PDE12: variants seen among roughly 807,000 people sequenced by gnomAD.
PDE12 encodes the protein 2',5'-phosphodiesterase 12.
Under a neutral mutation model 45.4 loss-of-function variants are expected in PDE12, and 26 were observed. The observed-to-expected ratio is 0.57, with a 90% CI of 0.42 to 0.79. The LOEUF (loss-of-function observed/expected upper bound fraction) is 0.79. Among genes scored for constraint, PDE12 ranks in the 30% least tolerant of loss-of-function variants. The pLI is 0.00. For synonymous variants in PDE12, 283 were observed against 323.9 expected (o/e 0.87, Z 1.36); for missense variants, 668 against 790.0 (o/e 0.85, Z 1.85).
Position 57,556,333 on chromosome 3 carries a change from G to A in PDE12, c.-47G>A. 2 of 1,504,122 alleles carry A rather than the reference G, an allele frequency of 1.3e-6. No homozygotes were observed. The highest frequency in any genetic ancestry group is 1.8e-6 in the Non-Finnish European group (2 of 1,124,870). The allele number at this position is 1,504,122 out of a possible 1,614,324, so 93.2% of individuals were successfully genotyped here. On this transcript the variant is annotated 5_prime_UTR_variant, in exon 1 of 3. Coordinates refer to ENST00000311180, the MANE Select transcript of PDE12 (RefSeq NM_177966.7). The surrounding 1 kb of genome is among the most constrained non-coding windows in gnomAD (Gnocchi z 5.0). ...GCTCCTCAGCTCCACCTGACAGTAG[G>A]CCGCTGATCGGCCGCGGGTCTTGTC...
the PDE12 span, among the ~76,000 whole-genome samples, chr3:57,650,064 C>T: frequency 6.6e-6 from 1 of 152,068 alleles, no homozygotes; most frequent in Non-Finnish European, 1.5e-5. Context: ...CATATGTTCT[C>T]ACTCATAAGT....
the PDE12 span, among the ~76,000 whole-genome samples, chr3:57,602,332 A>T: frequency 6.6e-6 from 1 of 152,142 alleles, no homozygotes; most frequent in Non-Finnish European, 1.5e-5. Flanking sequence ...ATCTGACTGT[A>T]ATTCACCACT....
the PDE12 span, among the ~76,000 whole-genome samples, chr3:57,655,120 G>A: frequency 2.0e-5 from 3 of 151,244 alleles, no homozygotes; most frequent in East Asian, 1.9e-4. Flanking sequence ...TGCAACCTCC[G>A]TCTCCTGGGT....
the PDE12 span, among the ~76,000 whole-genome samples, chr3:57,652,555 G>A: frequency 2.0e-5 from 3 of 152,164 alleles, no homozygotes; most frequent in Admixed American, 1.3e-4. Context: ...GTTCTTTTAA[G>A]CCTAAGTATT....
chr3:57,640,928 A>G, the PDE12 span, among the ~76,000 whole-genome samples: 1 of 151,922 alleles, frequency 6.6e-6, no homozygotes, highest in African/African-American at 2.4e-5. Flanking sequence ...AACTCCTACC[A>G]TGAACAAGGT....
the PDE12 span, among the ~76,000 whole-genome samples, chr3:57,601,776 G>A: frequency 1.1e-4 from 13 of 115,632 alleles, no homozygotes; most frequent in South Asian, 1.3e-3. Flanking sequence ...AGACAGTCTC[G>A]CTGTGTCACC....
At chr3:57,623,282 T>G in the PDE12 span, among the ~76,000 whole-genome samples, 4 of 151,984 alleles carry the variant, frequency 2.6e-5, no homozygotes, top group African/African-American at 9.7e-5. Flanking sequence ...AACAAAAAAC[T>G]GATTTGTTGA....
rs768513618 is a variant in PDE12 at position 57,557,009 on chromosome 3, C to T, written c.630C>T (p.Val210=). 14 of 1,614,142 alleles carry T rather than the reference C, an allele frequency of 8.7e-6. No homozygotes were observed. The highest frequency in any genetic ancestry group is 6.6e-5 in the South Asian group (6 of 91,090). ...AGCCCGGAGCGGCGGAGCCCGAGGT[C>T]GGTGTCCCCTCGTCATTGTCTCCCT... ...EAKPGAAEPE[V]GVPSSLSPSS... is the part of the protein sequence containing the mutation. The change falls in exon 1 of 3, where the codon GTC becomes GTT. Residue 210 remains valine (V), a synonymous_variant. Transcript: ENST00000311180.
At chr3:57,558,725 C>T (rs992004026) in intron 1 of PDE12, among the ~76,000 whole-genome samples, 12 of 148,754 alleles carry the variant, frequency 8.1e-5, no homozygotes, top group African/African-American at 9.9e-5. Flanking sequence ...CTCCTGACCT[C>T]GTGATCCGCC....
Position 57,556,297 on chromosome 3 carries a change from C to A in PDE12, c.-83C>A. ...TCGCGAGATCTGAATGAGTCAAAGCCGGCGGCCTCGGCTCCTCAGCTCCAC... is the reference window on the plus strand; with the variant it reads ...TCGCGAGATCTGAATGAGTCAAAGCAGGCGGCCTCGGCTCCTCAGCTCCAC... On this transcript the variant is annotated 5_prime_UTR_variant, in exon 1 of 3. Transcript: ENST00000311180. The surrounding 1 kb of genome is among the most constrained non-coding windows in gnomAD (Gnocchi z 5.0). 1 of 1,386,870 alleles carries A rather than the reference C, an allele frequency of 7.2e-7. No individual in the cohort carries two copies. Among genetic ancestry groups the A allele is most frequent in the Non-Finnish European group, 9.6e-7 (1 of 1,044,726 alleles). The allele number at this position is 1,386,870 out of a possible 1,614,324, so 85.9% of individuals were successfully genotyped here.
chr3:57,581,504 CT>C, the PDE12 span, among the ~76,000 whole-genome samples: 4 of 152,152 alleles, frequency 2.6e-5, no homozygotes, highest in Non-Finnish European at 5.9e-5. Context: ...ATATCTAACT[CT>C]TTCAAAATAT....
At chr3:57,596,295 T>A in the PDE12 span, among the ~76,000 whole-genome samples, 3 of 152,236 alleles carry the variant, frequency 2.0e-5, no homozygotes, top group African/African-American at 7.2e-5. Context: ...ATTTATCAGG[T>A]ATTTTTTAAA....
chr3:57,570,234 T>TTTTG (rs2069825782), downstream of PDE12, among the ~76,000 whole-genome samples: 1 of 147,100 alleles, frequency 6.8e-6, no homozygotes, highest in Non-Finnish European at 1.5e-5. Flanking sequence ...TTTTTTTTTT[T>TTTTG]TTTTTGGAGA....
the PDE12 span, among the ~76,000 whole-genome samples, chr3:57,651,711 G>A: frequency 4.0e-5 from 6 of 151,738 alleles, no homozygotes; most frequent in South Asian, 1.0e-3. Flanking sequence ...AGATAAACCC[G>A]GAATATCTCA....
chr3:57,637,158 G>T, the PDE12 span, among the ~76,000 whole-genome samples: 1 of 152,068 alleles, frequency 6.6e-6, no homozygotes, highest in Non-Finnish European at 1.5e-5. Flanking sequence ...GTTTATTTAT[G>T]ATGCCCATTT....
the PDE12 span, among the ~76,000 whole-genome samples, chr3:57,586,353 T>G: frequency 6.6e-6 from 1 of 152,220 alleles, no homozygotes; most frequent in Non-Finnish European, 1.5e-5. Context: ...AAAAAAGAGC[T>G]GAAATTATCT....
At chr3:57,606,306 A>T in the PDE12 span, among the ~76,000 whole-genome samples, 1 of 152,202 alleles carries the variant, frequency 6.6e-6, no homozygotes. Context: ...CACTGGAAAC[A>T]TTGCAGACAA....
the PDE12 span, among the ~76,000 whole-genome samples, chr3:57,638,684 A>G: frequency 6.6e-6 from 1 of 152,208 alleles, no homozygotes; most frequent in African/African-American, 2.4e-5. Flanking sequence ...TAAATAAATA[A>G]ATAAATAAAA....
the PDE12 span, among the ~76,000 whole-genome samples, chr3:57,651,588 G>A: frequency 6.6e-6 from 1 of 152,042 alleles, no homozygotes; most frequent in East Asian, 1.9e-4. Flanking sequence ...TAGCAGTGAT[G>A]GTTGCACAAC....
Sources: gnomAD v4.1 joint callset for allele counts (sites outside exome capture counted in the v4.1 genomes callset) on GRCh38, gnomAD v4.1.1 for gene constraint, Gnocchi (gnomAD v3.1) non-coding constraint, MANE v1.5 for transcripts, NCBI Gene and HGNC (gene_info 2026-07-23, HGNC 2026-07-21) for gene names.